Variants in NR1H4 observed in about 807,000 individuals in gnomAD.
NR1H4 encodes the protein bile acid receptor.
Under a neutral mutation model 58.5 loss-of-function variants are expected in NR1H4, and 23 were observed. The observed-to-expected ratio is 0.39, with a 90% CI of 0.28 to 0.56. NR1H4 has a LOEUF of 0.56. Ranked by LOEUF, NR1H4 falls within the 20% of genes least tolerant of loss-of-function variation. The pLI, the probability that NR1H4 is intolerant of heterozygous loss-of-function variation, is 0.58. For synonymous variants in NR1H4, 214 were observed against 198.0 expected (o/e 1.08, Z -0.68); for missense variants, 487 against 576.9 (o/e 0.84, Z 1.60).
intron 3 of NR1H4, chr12:100,499,970 A>G (rs549773952): frequency 1.1e-5 from 5 of 456,056 alleles, no homozygotes; most frequent in East Asian, 6.9e-5. Flanking sequence ...AATGCCTGGC[A>G]CATCACAAGT....
chr12:100,532,179 G>T (rs1954709682), intron 4 of NR1H4, among the ~76,000 whole-genome samples: 1 of 152,118 alleles, frequency 6.6e-6, no homozygotes, highest in East Asian at 1.9e-4. Context: ...CCCCAATAAA[G>T]ATCTATGAAA....
chr12:100,485,677 C>T (rs1953476771), intron 1 of NR1H4, among the ~76,000 whole-genome samples: 1 of 151,926 alleles, frequency 6.6e-6, no homozygotes, highest in Non-Finnish European at 1.5e-5. Context: ...GGATTACAGG[C>T]ATGTGTCACC....
At position 100,534,792 on chromosome 12, in the gene NR1H4, G is replaced by A. The variant is rs919492462; in HGVS notation, c.599-98G>A. The A allele has an allele frequency of 3.6e-6, 5 of 1,381,824 alleles. No individual in the cohort carries two copies. In the East Asian group the frequency reaches 1.1e-4, roughly 32 times the overall value. 85.6% of individuals were successfully genotyped at this position (1,381,824 alleles called of 1,614,324 possible). On this transcript the variant is annotated intron_variant, in intron 5 of 10. Coordinates refer to ENST00000392986, the MANE Select transcript of NR1H4 (RefSeq NM_001206979.2). Reference sequence around the variant, plus strand: ...AGCGTTAGTTCTGTGCCATTGCATAGGGGATCTTCTGGGCCAGGTACATAT... The same window carrying A: ...AGCGTTAGTTCTGTGCCATTGCATAAGGGATCTTCTGGGCCAGGTACATAT...
intron 8 of NR1H4, among the ~76,000 whole-genome samples, chr12:100,538,928 T>TA (rs1212644970): frequency 6.6e-6 from 1 of 152,094 alleles, no homozygotes; most frequent in Non-Finnish European, 1.5e-5. Context: ...GCAAGCTCAA[T>TA]AAAAAACTGG....
chr12:100,481,281 C>T (rs1324069850), intron 1 of NR1H4, among the ~76,000 whole-genome samples: 3 of 151,702 alleles, frequency 2.0e-5, no homozygotes, highest in Non-Finnish European at 4.4e-5. Flanking sequence ...AAAAAAATGA[C>T]AAGTTAGTCA....
intron 10 of NR1H4, 74 bp from the exon 11 acceptor site, chr12:100,563,177 C>A: frequency 8.8e-7 from 1 of 1,141,070 alleles, no homozygotes; most frequent in Non-Finnish European, 1.3e-6. Context: ...AAATAGTTAA[C>A]GTTGCTATAA....
intron 3 of NR1H4, among the ~76,000 whole-genome samples, chr12:100,501,961 C>T (rs773171577): frequency 1.3e-5 from 2 of 152,130 alleles, no homozygotes; most frequent in African/African-American, 2.4e-5. Context: ...TAGACTTAAG[C>T]TTGATGTACA....
rs1486701709 is a variant in NR1H4 at position 100,558,149 on chromosome 12, A to G, written c.1079-3736A>G. Among the ~76,000 whole-genome samples, 4 of 149,298 alleles carry G rather than the reference A, an allele frequency of 2.7e-5. No homozygotes were observed. The East Asian group carries it at 6.0e-4, about 22-fold the overall frequency. On this transcript the variant is annotated intron_variant, in intron 9 of 10. Transcript: ENST00000392986. ...GCTGAGGTGGGTGGATCACAAGGTC[A>G]GGGTTTCGAGATCAGCTTGGCCAAT...
intron 4 of NR1H4, among the ~76,000 whole-genome samples, chr12:100,511,344 A>C (rs1042422436): frequency 1.3e-5 from 2 of 152,204 alleles, no homozygotes; most frequent in African/African-American, 2.4e-5. Flanking sequence ...CTTAATGTTT[A>C]AGACTGTTAG....
intron 2 of NR1H4, 46 bp from the exon 3 acceptor site, chr12:100,493,224 C>A (rs1260834411): frequency 4.2e-6 from 3 of 719,388 alleles, no homozygotes; most frequent in Admixed American, 2.0e-5. Flanking sequence ...TCCTAACCAA[C>A]CCTTCCCGCA....
intron 9 of NR1H4, among the ~76,000 whole-genome samples, chr12:100,555,121 G>A (rs984879759): frequency 1.3e-5 from 2 of 152,004 alleles, no homozygotes; most frequent in Non-Finnish European, 2.9e-5. Flanking sequence ...GGGTGTGTGG[G>A]GATTTAGAAA....
chr12:100,503,416 A>G (rs992506803), intron 3 of NR1H4: 59 of 1,597,492 alleles, frequency 3.7e-5, no homozygotes, highest in Non-Finnish European at 4.7e-5. Context: ...GGGTTAGAAA[A>G]TCCAATTCAA....
At chr12:100,505,710 T>A in intron 3 of NR1H4, 4 of 638,902 alleles carry the variant, frequency 6.3e-6, no homozygotes, top group Non-Finnish European at 1.1e-5. Context: ...TAAAGATTCC[T>A]AAATCTAAAT....
intron 9 of NR1H4, among the ~76,000 whole-genome samples, chr12:100,551,343 C>G (rs948840418): frequency 6.6e-6 from 1 of 152,118 alleles, no homozygotes. Context: ...ACTGCTTTAG[C>G]CTTTTCAGCT....
chr12:100,491,134 C>A (rs980166705), intron 1 of NR1H4, among the ~76,000 whole-genome samples: 1 of 152,096 alleles, frequency 6.6e-6, no homozygotes. Flanking sequence ...CAGGACCTCC[C>A]GCTCCTATCA....
chr12:100,514,431 C>T (rs1429723222), intron 4 of NR1H4, among the ~76,000 whole-genome samples: 5 of 152,224 alleles, frequency 3.3e-5, no homozygotes, highest in Admixed American at 1.3e-4. Context: ...AAAGCTAGAC[C>T]ATGGTTTTTA....
At chr12:100,514,558 A>AC (rs200765062) in intron 4 of NR1H4, among the ~76,000 whole-genome samples, 1 of 151,662 alleles carries the variant, frequency 6.6e-6, no homozygotes, top group African/African-American at 2.4e-5. Context: ...CCCAGTAGCA[A>AC]CCCCCCACTT....
intron 8 of NR1H4, 81 bp downstream of exon 8, chr12:100,537,128 G>C: frequency 1.1e-6 from 1 of 892,428 alleles, no homozygotes. Flanking sequence ...TTTTACATAC[G>C]GTGTTTTAAT....
chr12:100,517,706 T>C (rs1006386600), intron 4 of NR1H4, among the ~76,000 whole-genome samples: 6 of 152,232 alleles, frequency 3.9e-5, no homozygotes, highest in African/African-American at 1.4e-4. Context: ...TTTTGATTTA[T>C]TGATAGTCAT....
Sources: gnomAD v4.1 joint callset for allele counts (sites outside exome capture counted in the v4.1 genomes callset) on GRCh38, gnomAD v4.1.1 for gene constraint, MANE v1.5 for transcripts, NCBI Gene and HGNC (gene_info 2026-07-23, HGNC 2026-07-21) for gene names.